The following KIF16B variants were observed in gnomAD, a reference collection of about 807,000 sequenced individuals.
The protein encoded by KIF16B is kinesin family member 16B, also known as kinesin-like protein KIF16B.
In KIF16B, 98 loss-of-function variants were observed where a neutral mutation model predicts 156.3. The observed-to-expected ratio is 0.63, with a 90% CI of 0.53 to 0.74. The LOEUF is 0.74. KIF16B is among the 30% of genes least tolerant of loss of function. The probability of loss-of-function intolerance (pLI) is 0.00; values close to 1 mark genes in which losing one functional copy is unlikely to be tolerated. For synonymous variants in KIF16B, 564 were observed against 583.7 expected, an observed-to-expected ratio of 0.97 and a Z score of 0.49; for missense variants, 1,421 against 1,606.5, an observed-to-expected ratio of 0.88 and a Z score of 1.97.
chr20:16,374,433 T>G, intron 19 of KIF16B, 24 bp from the exon 20 acceptor site: 1 of 1,495,238 alleles, frequency 6.7e-7, no homozygotes, highest in African/African-American at 1.4e-5. Context: ...AGCCACATAA[T>G]TCATTCATTA....
intron 15 of KIF16B, among the ~76,000 whole-genome samples, chr20:16,421,825 C>G (rs1411368414): frequency 1.3e-5 from 2 of 152,048 alleles, no homozygotes; most frequent in African/African-American, 4.8e-5. Context: ...GAAAGCTGTT[C>G]AGTAGCACAG....
intron 22 of KIF16B, among the ~76,000 whole-genome samples, chr20:16,357,323 A>G (rs1408712800): frequency 6.6e-6 from 1 of 152,210 alleles, no homozygotes; most frequent in African/African-American, 2.4e-5. Context: ...CCCCCCTACG[A>G]GGTATTAACC....
rs563349527 is a variant in KIF16B at position 16,494,771 on chromosome 20, T to C, written c.1243-421A>G. The stretch of plus-strand genomic sequence containing the variant: ...TGTGATTAAATCACCTTGGATGCTG[T>C]AGTTTTACTTTAGGAGATAATTTGC... On this transcript the variant is annotated intron_variant, in intron 11 of 25. Coordinates refer to ENST00000354981, the MANE Select transcript of KIF16B (RefSeq NM_024704.5). Among the ~76,000 whole-genome samples, 8 of 152,372 alleles carry C rather than the reference T, an allele frequency of 5.3e-5. No individual in the cohort carries two copies. The South Asian group carries it at 1.2e-3, about 24-fold the overall frequency.
At chr20:16,383,219 C>T (rs1434832258) in intron 17 of KIF16B, among the ~76,000 whole-genome samples, 7 of 152,122 alleles carry the variant, frequency 4.6e-5, no homozygotes, top group Admixed American at 4.6e-4. Context: ...TCCCTCTGTC[C>T]ACCCAGCAAA....
intron 24 of KIF16B, among the ~76,000 whole-genome samples, chr20:16,317,683 T>A (rs1282710117): frequency 1.3e-5 from 2 of 152,202 alleles, no homozygotes; most frequent in Non-Finnish European, 2.9e-5. Context: ...ACACTGTCTC[T>A]GAACTGGGAA....
intron 25 of KIF16B, among the ~76,000 whole-genome samples, chr20:16,293,407 C>T (rs13042199): frequency 0.037 from 5,586 of 152,250 alleles, 129 homozygotes; most frequent in African/African-American, 0.053. Flanking sequence ...GGAGAAACCC[C>T]TTTGAAATTC....
At chr20:16,371,576 C>T in intron 21 of KIF16B, 89 bp downstream of exon 21, 1 of 685,140 alleles carries the variant, frequency 1.5e-6, no homozygotes, top group South Asian at 1.8e-5. Context: ...GGTGACAGAA[C>T]AAGACTCAGT....
chr20:16,443,015 A>G (rs1005373027), intron 12 of KIF16B, among the ~76,000 whole-genome samples: 1 of 152,190 alleles, frequency 6.6e-6, no homozygotes, highest in African/African-American at 2.4e-5. Context: ...AGTAACCCCA[A>G]TCTGAAAATC....
chr20:16,509,945 T>C (rs2068905205), intron 6 of KIF16B, among the ~76,000 whole-genome samples: 1 of 152,182 alleles, frequency 6.6e-6, no homozygotes, highest in Non-Finnish European at 1.5e-5. Context: ...CGGATTTTTA[T>C]AGTCATTTTA....
intron 22 of KIF16B, chr20:16,367,688 C>T (rs1263354765): frequency 6.2e-7 from 1 of 1,612,416 alleles, no homozygotes; most frequent in African/African-American, 1.3e-5. Flanking sequence ...ACCTGAACTC[C>T]ATTTGGCAAA....
chr20:16,565,733 G>T (rs543539580), intron 1 of KIF16B, among the ~76,000 whole-genome samples: 1 of 152,142 alleles, frequency 6.6e-6, no homozygotes, highest in African/African-American at 2.4e-5. Context: ...TCTACTGCCC[G>T]GAGTTCCCAC....
At chr20:16,514,913 A>G (rs1030938850) in intron 4 of KIF16B, among the ~76,000 whole-genome samples, 1 of 149,294 alleles carries the variant, frequency 6.7e-6, no homozygotes, top group Non-Finnish European at 1.5e-5. Flanking sequence ...AAAAAAAAAA[A>G]AGAAAACAGA....
intron 12 of KIF16B, among the ~76,000 whole-genome samples, chr20:16,485,861 A>G (rs965525995): frequency 2.6e-5 from 4 of 152,206 alleles, no homozygotes; most frequent in African/African-American, 9.7e-5. Flanking sequence ...CTCCACACAT[A>G]CACACATATA....
intron 1 of KIF16B, 85 bp downstream of exon 1, chr20:16,573,144 C>T (rs1454384356): frequency 1.5e-6 from 2 of 1,350,134 alleles, no homozygotes; most frequent in South Asian, 1.3e-5. Flanking sequence ...ACTTTTAAGT[C>T]CAGGCTGGCT....
chr20:16,457,672 C>T (rs1351959447), intron 12 of KIF16B, among the ~76,000 whole-genome samples: 3 of 152,032 alleles, frequency 2.0e-5, no homozygotes, highest in Admixed American at 6.6e-5. Flanking sequence ...CTAAACAATC[C>T]GTTGAAAGGC....
intron 20 of KIF16B, 147 bp downstream of exon 20, chr20:16,374,110 G>A: frequency 1.4e-6 from 1 of 720,732 alleles, no homozygotes; most frequent in Non-Finnish European, 2.0e-6. Context: ...CAGGCCAATG[G>A]CAGATGAAGG....
chr20:16,313,246 T>A (rs1212493782), intron 24 of KIF16B, among the ~76,000 whole-genome samples: 1 of 152,156 alleles, frequency 6.6e-6, no homozygotes, highest in Non-Finnish European at 1.5e-5. Flanking sequence ...ACCAGACAAA[T>A]TGAAGCCAAT....
intron 12 of KIF16B, among the ~76,000 whole-genome samples, chr20:16,476,132 C>A (rs1042351611): frequency 9.9e-5 from 15 of 152,126 alleles, no homozygotes; most frequent in Admixed American, 9.2e-4. Flanking sequence ...ACAGGCAGAG[C>A]GTGTTTTCCT....
At chr20:16,426,455 A>G (rs73898731) in intron 15 of KIF16B, among the ~76,000 whole-genome samples, 28,360 of 152,170 alleles carry the variant, frequency 0.19, 2,938 homozygotes, top group African/African-American at 0.28. Context: ...CAGGAAATAG[A>G]ACTAAATATG....
Sources: allele counts gnomAD v4.1 joint callset (sites outside exome capture counted in the v4.1 genomes callset), GRCh38; gene constraint gnomAD v4.1.1; transcripts MANE v1.5; gene names NCBI Gene and HGNC (gene_info 2026-07-23, HGNC 2026-07-21).